WWOX: variants seen among roughly 807,000 people sequenced by gnomAD.
WWOX encodes WW domain containing oxidoreductase.
A neutral mutation model predicts 46.2 loss-of-function variants in WWOX; 69 were observed. That is an observed-to-expected ratio of 1.49 (90% CI 1.23 to 1.82). WWOX has a LOEUF of 1.82. Among genes scored for constraint, WWOX ranks in the 40% most tolerant of loss-of-function variants. The pLI is 0.00. For synonymous variants in WWOX, 359 were observed against 202.6 expected, an observed-to-expected ratio of 1.77 and a Z score of -6.56; for missense variants, 919 against 542.6, an observed-to-expected ratio of 1.69 and a Z score of -6.89.
chr16:78,916,269 C>T (rs923261488), intron 8 of WWOX, among the ~76,000 whole-genome samples: 1 of 152,150 alleles, frequency 6.6e-6, no homozygotes, highest in Admixed American at 6.6e-5. Flanking sequence ...GCGCTTTCTA[C>T]TGCAGGGGGT....
chr16:78,458,339 C>A (rs892754696), intron 8 of WWOX, among the ~76,000 whole-genome samples: 7 of 149,924 alleles, frequency 4.7e-5, no homozygotes, highest in African/African-American at 1.7e-4. Context: ...CAGCTCACTG[C>A]AGTCTTGACC....
At position 78,528,222 on chromosome 16, in the gene WWOX, G is replaced by A. The variant is rs544525299; in HGVS notation, c.1056+95470G>A. Among the ~76,000 whole-genome samples, 11 of 130,062 alleles carry A rather than the reference G, an allele frequency of 8.5e-5. No homozygotes were observed. The Admixed American group carries it at 9.9e-4, about 12-fold the overall frequency. 85.3% of individuals were successfully genotyped at this position (130,062 alleles called of 152,430 possible). ...GTCGAGACAGGGTTTCACCGTGTTA[G>A]CCAGGATGGTCTCGGTCTGCTGATC... On this transcript the variant is annotated intron_variant, in intron 8 of 8. Coordinates refer to ENST00000566780, the MANE Select transcript of WWOX (RefSeq NM_016373.4).
chr16:78,375,205 G>C (rs1018335321), intron 5 of WWOX, among the ~76,000 whole-genome samples: 1 of 152,172 alleles, frequency 6.6e-6, no homozygotes, highest in African/African-American at 2.4e-5. Context: ...CATTTCTCAA[G>C]CGTGACGATA....
intron 8 of WWOX, among the ~76,000 whole-genome samples, chr16:79,130,257 A>G (rs2049849059): frequency 6.6e-6 from 1 of 152,180 alleles, no homozygotes; most frequent in Non-Finnish European, 1.5e-5. Context: ...GGACAAAATA[A>G]TTTCTATATA....
At chr16:79,088,753 C>G (rs1051012995) in intron 8 of WWOX, among the ~76,000 whole-genome samples, 1 of 152,032 alleles carries the variant, frequency 6.6e-6, no homozygotes, top group East Asian at 1.9e-4. Flanking sequence ...TGCTACTTAC[C>G]GTGGGCTGCT....
intron 8 of WWOX, among the ~76,000 whole-genome samples, chr16:78,527,296 C>T (rs1462920484): frequency 2.9e-5 from 4 of 138,628 alleles, no homozygotes; most frequent in Admixed American, 7.3e-5. Context: ...TTTTTTCTTT[C>T]TTTTTTTTTT....
chr16:78,112,595 TG>T (rs1285183950), intron 3 of WWOX, among the ~76,000 whole-genome samples: 1 of 152,046 alleles, frequency 6.6e-6, no homozygotes, highest in African/African-American at 2.4e-5. Flanking sequence ...AAAGGCTTTT[TG>T]CCTAACTTGT....
chr16:78,670,088 C>T (rs1040657665), intron 8 of WWOX, among the ~76,000 whole-genome samples: 1 of 152,052 alleles, frequency 6.6e-6, no homozygotes, highest in Non-Finnish European at 1.5e-5. Flanking sequence ...TTCCCGGCCG[C>T]CCCCGGAAGC....
intron 8 of WWOX, among the ~76,000 whole-genome samples, chr16:78,982,728 A>G (rs1481952654): frequency 6.6e-6 from 1 of 152,216 alleles, no homozygotes; most frequent in African/African-American, 2.4e-5. Flanking sequence ...GAAAATGTGC[A>G]TTTGAATCCT....
At chr16:78,691,814 A>C (rs1034147028) in intron 8 of WWOX, among the ~76,000 whole-genome samples, 2 of 152,280 alleles carry the variant, frequency 1.3e-5, no homozygotes, top group East Asian at 1.9e-4. Context: ...TATGGTTTGG[A>C]TGTGTCCCCA....
intron 5 of WWOX, among the ~76,000 whole-genome samples, chr16:78,227,967 A>G (rs1298755811): frequency 6.6e-6 from 1 of 152,060 alleles, no homozygotes; most frequent in East Asian, 1.9e-4. Flanking sequence ...TTTATATTCC[A>G]TTTCACCACA....
chr16:78,654,637 TTC>T (rs142991695), intron 8 of WWOX, among the ~76,000 whole-genome samples: 235 of 147,640 alleles, frequency 1.6e-3, no homozygotes, highest in Admixed American at 1.8e-3. Flanking sequence ...ATCTATACCT[TTC>T]TCTCTCTCTC....
At chr16:78,493,564 G>T (rs1225121180) in intron 8 of WWOX, among the ~76,000 whole-genome samples, 1 of 152,120 alleles carries the variant, frequency 6.6e-6, no homozygotes, top group African/African-American at 2.4e-5. Context: ...GGTGTTTAAG[G>T]AGAATTATTC....
At chr16:79,165,921 A>G (rs902830371) in intron 8 of WWOX, among the ~76,000 whole-genome samples, 1 of 152,108 alleles carries the variant, frequency 6.6e-6, no homozygotes, top group Non-Finnish European at 1.5e-5. Flanking sequence ...AATCAACTCA[A>G]TTACCAGCCC....
intron 8 of WWOX, among the ~76,000 whole-genome samples, chr16:79,122,096 A>C (rs755700400): frequency 6.6e-6 from 1 of 152,164 alleles, no homozygotes; most frequent in Non-Finnish European, 1.5e-5. Context: ...CTCAGCGGGC[A>C]CAGGTGCTGA....
intron 8 of WWOX, among the ~76,000 whole-genome samples, chr16:78,461,025 A>G (rs1251620279): frequency 6.6e-6 from 1 of 152,218 alleles, no homozygotes; most frequent in East Asian, 1.9e-4. Context: ...TGAAGAGTGG[A>G]CATCTGACAC....
At chr16:78,715,568 C>T (rs1459710183) in intron 8 of WWOX, among the ~76,000 whole-genome samples, 2 of 151,526 alleles carry the variant, frequency 1.3e-5, no homozygotes, top group East Asian at 2.0e-4. Context: ...ATTGCAACCT[C>T]CGCCTCTTGG....
intron 8 of WWOX, among the ~76,000 whole-genome samples, chr16:78,816,986 C>T (rs945641286): frequency 6.6e-6 from 1 of 151,966 alleles, no homozygotes. Flanking sequence ...GAGCTATTGC[C>T]CAAACCAGTC....
At chr16:78,436,904 A>G (rs777659761) in intron 8 of WWOX, among the ~76,000 whole-genome samples, 8 of 152,250 alleles carry the variant, frequency 5.3e-5, no homozygotes, top group Non-Finnish European at 1.2e-4. Flanking sequence ...GAATGCAGAC[A>G]TATTTTTGGA....
Sources: allele counts gnomAD v4.1 joint callset (sites outside exome capture counted in the v4.1 genomes callset), GRCh38; gene constraint gnomAD v4.1.1; transcripts MANE v1.5; gene names NCBI Gene and HGNC (gene_info 2026-07-23, HGNC 2026-07-21).